The following GNA13 variants were observed in gnomAD, a reference collection of about 807,000 sequenced individuals.
GNA13 encodes the protein guanine nucleotide-binding protein subunit alpha-13.
Under a neutral mutation model 33.5 loss-of-function variants are expected in GNA13, and 4 were observed. The observed-to-expected ratio is 0.12, with a 90% CI of 0.06 to 0.27. GNA13 has a LOEUF of 0.27. GNA13 is among the 10% of genes least tolerant of loss of function. The probability of loss-of-function intolerance (pLI) is 1.00; values close to 1 mark genes in which losing one functional copy is unlikely to be tolerated. For missense variants in GNA13, 319 were observed against 487.2 expected (o/e 0.65, Z 3.25); for synonymous variants, 176 against 183.8 (o/e 0.96, Z 0.34).
chr17:65,050,651 G>A (rs1037968178), intron 2 of GNA13, among the ~76,000 whole-genome samples: 1 of 152,032 alleles, frequency 6.6e-6, no homozygotes, highest in Non-Finnish European at 1.5e-5. Flanking sequence ...AGAATCACTT[G>A]AGCCCAGGAG....
intron 1 of GNA13, among the ~76,000 whole-genome samples, chr17:65,054,147 A>T (rs1053016110): frequency 6.6e-6 from 1 of 152,236 alleles, no homozygotes. Context: ...TTTATGAAAC[A>T]CTAAGAACCA....
At chr17:65,017,329 C>T (rs79518476) in intron 3 of GNA13, among the ~76,000 whole-genome samples, 44 of 152,304 alleles carry the variant, frequency 2.9e-4, no homozygotes, top group African/African-American at 1.0e-3. Flanking sequence ...AAGCACAGAA[C>T]TTCATGCAAT....
At position 65,019,163 on chromosome 17, in the gene GNA13, C is replaced by A. The variant is rs113794000; in HGVS notation, c.511-860G>T. On this transcript the variant is annotated intron_variant, in intron 2 of 3. Transcript: ENST00000439174. ...TGTGAAGATCTCCTCACACTGCAGGCTCCGGTTTAGTAGGTCTGGGTGGGA... is the reference window on the plus strand; with the variant it reads ...TGTGAAGATCTCCTCACACTGCAGGATCCGGTTTAGTAGGTCTGGGTGGGA... Among the ~76,000 whole-genome samples, 440 of 151,964 alleles carry A rather than the reference C, an allele frequency of 2.9e-3. 4 individuals carry two copies. The highest frequency in any genetic ancestry group is 0.01 in the African/African-American group (423 of 41,428).
At chr17:65,046,817 G>C (rs1907681045) in intron 2 of GNA13, among the ~76,000 whole-genome samples, 2 of 152,136 alleles carry the variant, frequency 1.3e-5, no homozygotes, top group African/African-American at 4.8e-5. Context: ...AACATTTTCA[G>C]AGAATCATAA....
intron 2 of GNA13, among the ~76,000 whole-genome samples, chr17:65,023,745 C>CT (rs1906673295): frequency 6.6e-6 from 1 of 152,192 alleles, no homozygotes; most frequent in African/African-American, 2.4e-5. Context: ...TTTCTAAACT[C>CT]TAACTACAGT....
chr17:65,054,339 G>A (rs1302318888), intron 1 of GNA13, among the ~76,000 whole-genome samples: 2 of 152,086 alleles, frequency 1.3e-5, no homozygotes, highest in Non-Finnish European at 2.9e-5. Flanking sequence ...ATACAAAGTC[G>A]GACTCCAACT....
At chr17:65,018,893 C>G (rs763798154) in intron 2 of GNA13, among the ~76,000 whole-genome samples, 44 of 152,158 alleles carry the variant, frequency 2.9e-4, no homozygotes, top group Non-Finnish European at 1.2e-4. Context: ...CTCGACGAAA[C>G]TTCCAAGCAA....
intron 2 of GNA13, among the ~76,000 whole-genome samples, chr17:65,043,001 G>A (rs747476997): frequency 1.3e-5 from 2 of 152,150 alleles, no homozygotes; most frequent in Admixed American, 1.3e-4. Context: ...GTCAGGTACT[G>A]TGGGGCTTTA....
chr17:65,044,274 TA>T (rs1907573979), intron 2 of GNA13, among the ~76,000 whole-genome samples: 1 of 152,226 alleles, frequency 6.6e-6, no homozygotes, highest in East Asian at 1.9e-4. Context: ...AAAACAAAAC[TA>T]TTTTCTTGAT....
rs528244561 is a variant in GNA13 at position 65,014,071 on chromosome 17, G to A, written c.*186C>T. On this transcript the variant is annotated 3_prime_UTR_variant, in exon 4 of 4. Coordinates refer to ENST00000439174, the MANE Select transcript of GNA13 (RefSeq NM_006572.6). The surrounding 1 kb of genome is among the most constrained non-coding windows in gnomAD (Gnocchi z 5.3). ...AGCCTGCATTACAGCAAATCTTGGC[G>A]ATGAGTCACTCAACAGCTTTCAGCC... is the stretch of plus-strand genomic sequence containing the variant. 5 of 558,972 alleles carry A rather than the reference G, an allele frequency of 8.9e-6. No individual in the cohort carries two copies. The highest frequency in any genetic ancestry group is 6.3e-5 in the Admixed American group (2 of 31,810). The allele number at this position is 558,972 out of a possible 1,614,324, so 34.6% of individuals were successfully genotyped here. A position where few individuals can be genotyped will look rare whatever the true frequency, so the allele number is the denominator to read the frequency against.
In GNA13 at chr17:65,012,345, CA is replaced by C. The variant is rs1906220801; in HGVS notation, c.*1911del. On this transcript the variant is annotated 3_prime_UTR_variant, in exon 4 of 4. Transcript: ENST00000439174. ...AATGAATAGTCCAAATGTTACTGTG[CA>C]CATATTCCGATATTCATTAGCACTG... 4.5e-6 allele frequency: 1 copy of C among 223,142 alleles called. No individual in the cohort carries two copies. The highest frequency in any genetic ancestry group is 1.8e-4 in the South Asian group (1 of 5,422). The allele number at this position is 223,142 out of a possible 1,614,324, so 13.8% of individuals were successfully genotyped here. A position where few individuals can be genotyped will look rare whatever the true frequency, so the allele number is the denominator to read the frequency against.
At chr17:65,053,827 C>G in intron 1 of GNA13, 99 bp from the exon 2 acceptor site, 2 of 722,816 alleles carry the variant, frequency 2.8e-6, no homozygotes, top group Middle Eastern at 5.8e-4. Flanking sequence ...TCTGAATTAA[C>G]CTAGACAAAC....
chr17:65,040,647 C>G (rs186626464), intron 2 of GNA13, among the ~76,000 whole-genome samples: 1 of 152,146 alleles, frequency 6.6e-6, no homozygotes, highest in African/African-American at 2.4e-5. Flanking sequence ...GTGCCCGCCA[C>G]CACGCCCAGC....
At chr17:65,033,312 C>T (rs1410591675) in intron 2 of GNA13, among the ~76,000 whole-genome samples, 1 of 149,498 alleles carries the variant, frequency 6.7e-6, no homozygotes, top group Admixed American at 6.6e-5. Flanking sequence ...AAGCAAGACC[C>T]CATCTCTAAA....
chr17:65,025,817 CAAAA>C (rs3972220), intron 2 of GNA13, among the ~76,000 whole-genome samples: 11 of 104,604 alleles, frequency 1.1e-4, no homozygotes, highest in Admixed American at 3.0e-4. Context: ...CCCATCTCTA[CAAAA>C]AAAAAAAAAA....
At chr17:65,053,759 GGA>G in intron 1 of GNA13, 31 bp from the exon 2 acceptor site, 1 of 1,307,628 alleles carries the variant, frequency 7.6e-7, no homozygotes, top group Non-Finnish European at 1.1e-6. Context: ...AAAAATGTAT[GGA>G]GAGGAGTCAT....
intron 2 of GNA13, among the ~76,000 whole-genome samples, chr17:65,051,645 T>C (rs1202126324): frequency 1.3e-5 from 2 of 152,026 alleles, no homozygotes; most frequent in Non-Finnish European, 2.9e-5. Context: ...GGTAGAGTGA[T>C]GGGCGATGGA....
intron 2 of GNA13, among the ~76,000 whole-genome samples, chr17:65,031,847 T>C (rs1171088983): frequency 7.3e-6 from 1 of 136,426 alleles, no homozygotes; most frequent in African/African-American, 2.7e-5. Context: ...CCAGGAGTTC[T>C]ACACCAACCC....
intron 2 of GNA13, among the ~76,000 whole-genome samples, chr17:65,022,087 T>C (rs1200408452): frequency 6.6e-6 from 1 of 152,234 alleles, no homozygotes; most frequent in Non-Finnish European, 1.5e-5. Context: ...ACCCAATGCC[T>C]GTTTTTGTAC....
Sources: allele counts gnomAD v4.1 joint callset (sites outside exome capture counted in the v4.1 genomes callset), GRCh38; gene constraint gnomAD v4.1.1; non-coding constraint Gnocchi (gnomAD v3.1); transcripts MANE v1.5; gene names NCBI Gene and HGNC (gene_info 2026-07-23, HGNC 2026-07-21).